The following SDK2 variants were observed in gnomAD, a reference collection of about 807,000 sequenced individuals.
The protein encoded by SDK2 is protein sidekick-2.
A neutral mutation model predicts 253.9 loss-of-function variants in SDK2; 105 were observed. The observed-to-expected ratio is 0.41, with a 90% CI of 0.35 to 0.49. SDK2 has a LOEUF of 0.49. SDK2 is among the 20% of genes least tolerant of loss of function. The probability of loss-of-function intolerance (pLI) is 0.06; values close to 1 mark genes in which losing one functional copy is unlikely to be tolerated. For missense variants in SDK2, 2,608 were observed against 3,003.0 expected (o/e 0.87, Z 3.07); for synonymous variants, 1,249 against 1,234.9 (o/e 1.01, Z -0.24).
chr17:73,531,713 A>G (rs542013189), intron 1 of SDK2, among the ~76,000 whole-genome samples: 1 of 152,344 alleles, frequency 6.6e-6, no homozygotes, highest in South Asian at 2.1e-4. Context: ...CATTGCATAC[A>G]GGATAAAATA....
Position 73,643,146 on chromosome 17 carries a change from G to A in SDK2, c.64+879C>T, listed in dbSNP as rs1783977103. 2 of 152,444 alleles carry A rather than the reference G, an allele frequency of 1.3e-5. No homozygotes were observed. The highest frequency in any genetic ancestry group is 2.1e-4 in the South Asian group (1 of 4,834). The allele number at this position is 152,444 out of a possible 1,614,324, so 9.4% of individuals were successfully genotyped here. On this transcript the variant is annotated intron_variant, in intron 1 of 44. Transcript: ENST00000392650. This position sits in a 1 kb window ranked among gnomAD's most constrained non-coding sequence, Gnocchi z 6.9. ...CCTCGGGGACCTGCCCGGGGACCAG[G>A]GGGACGTCTGGGCATCCACCCTCAG...
At chr17:73,527,223 T>C (rs563007465) in intron 1 of SDK2, among the ~76,000 whole-genome samples, 1 of 152,270 alleles carries the variant, frequency 6.6e-6, no homozygotes, top group East Asian at 1.9e-4. Flanking sequence ...ACTGTCACTC[T>C]GCACAGGGGG....
rs1441837669 is a variant in SDK2 at position 73,612,212 on chromosome 17, G to A, written c.64+31813C>T. 6.6e-6 allele frequency among the ~76,000 whole-genome samples: 1 copy of A among 152,204 alleles called. No homozygotes were observed. The highest frequency in any genetic ancestry group is 1.5e-5 in the Non-Finnish European group (1 of 68,028). On this transcript the variant is annotated intron_variant, in intron 1 of 44. Coordinates refer to ENST00000392650, the MANE Select transcript of SDK2 (RefSeq NM_001144952.2). This position sits in a 1 kb window ranked among gnomAD's most constrained non-coding sequence, Gnocchi z 4.4. ...GCAAGTACACCACAGTGGTGGCCCAGCTGCACCCGGGCTGCAGGCCGGCCC... is the reference window on the plus strand; with the variant it reads ...GCAAGTACACCACAGTGGTGGCCCAACTGCACCCGGGCTGCAGGCCGGCCC...
intron 1 of SDK2, among the ~76,000 whole-genome samples, chr17:73,640,293 A>C (rs2046382859): frequency 6.8e-6 from 1 of 147,222 alleles, no homozygotes; most frequent in Non-Finnish European, 1.5e-5. Flanking sequence ...GGGATTTCCG[A>C]GGCAGGTGTC....
chr17:73,449,451 C>G (rs897999328), intron 4 of SDK2, among the ~76,000 whole-genome samples: 7 of 152,074 alleles, frequency 4.6e-5, no homozygotes, highest in Non-Finnish European at 8.8e-5. Context: ...CCAGCACTCT[C>G]CCAGCCCGGC....
At chr17:73,368,646 C>G (rs796101816) in intron 36 of SDK2, 53 bp from the exon 37 acceptor site, 2 of 1,409,828 alleles carry the variant, frequency 1.4e-6, no homozygotes, top group Non-Finnish European at 1.9e-6. Context: ...ATGAGAGTCC[C>G]TCCTGTCCCT....
rs1022251095 is a variant in SDK2, at chr17:73,595,278, C to T, written c.64+48747G>A. On this transcript the variant is annotated intron_variant, in intron 1 of 44. Transcript: ENST00000392650. Reference sequence around the variant, plus strand: ...AGGCAGGCCTGGGGGAGAGCGTGGCCCTGTGTCGGAGAGACAGAGAAATAG... The same window carrying T: ...AGGCAGGCCTGGGGGAGAGCGTGGCTCTGTGTCGGAGAGACAGAGAAATAG... 5.3e-5 allele frequency among the ~76,000 whole-genome samples: 8 copies of T among 152,068 alleles called. No individual in the cohort carries two copies. The East Asian group carries it at 1.4e-3, about 26-fold the overall frequency.
chr17:73,341,698 G>A (rs902736363), intron 44 of SDK2, among the ~76,000 whole-genome samples: 2 of 152,198 alleles, frequency 1.3e-5, no homozygotes, highest in African/African-American at 4.8e-5. Context: ...TGGGCTTTGG[G>A]AAATGAGATG....
At chr17:73,375,461 G>C (rs2062770202) in intron 36 of SDK2, among the ~76,000 whole-genome samples, 1 of 151,914 alleles carries the variant, frequency 6.6e-6, no homozygotes, top group Admixed American at 6.6e-5. Flanking sequence ...TGCCCAGGCT[G>C]GTCTTGGACT....
intron 2 of SDK2, among the ~76,000 whole-genome samples, chr17:73,503,965 G>A (rs1700836239): frequency 6.6e-6 from 1 of 152,168 alleles, no homozygotes; most frequent in African/African-American, 2.4e-5. Flanking sequence ...ACCCAGAGGT[G>A]GGCACAGCTG....
At position 73,629,026 on chromosome 17, in the gene SDK2, G is replaced by A. The variant is rs2046237319; in HGVS notation, c.64+14999C>T. ...TTCCTACGTGGGGGATGGTGCCAAG[G>A]AGGGTCCAGAGAACTCAGTCCTGCC... On this transcript the variant is annotated intron_variant, in intron 1 of 44. Transcript: ENST00000392650. This position sits in a 1 kb window ranked among gnomAD's most constrained non-coding sequence, Gnocchi z 5.0. 6.6e-6 allele frequency among the ~76,000 whole-genome samples: 1 copy of A among 152,194 alleles called. No individual in the cohort carries two copies. Among genetic ancestry groups the A allele is most frequent in the Non-Finnish European group, 1.5e-5 (1 of 68,034 alleles).
chr17:73,351,131 C>T lies in SDK2; in HGVS notation c.5759-341G>A, dbSNP rs568838940. Among the ~76,000 whole-genome samples the T allele has an allele frequency of 5.4e-3, 796 of 146,116 alleles. 13 individuals are homozygous for T. Among genetic ancestry groups the T allele is most frequent in the African/African-American group, 0.019 (749 of 39,296 alleles). ...TTTCCCCTTTTTTTTTTTTTTGAGA[C>T]GGAGTTTCACTCTTATTTCCCAGGC... On this transcript the variant is annotated intron_variant, in intron 41 of 44. Transcript: ENST00000392650.
At chr17:73,452,108 A>T (rs2063494526) in intron 4 of SDK2, among the ~76,000 whole-genome samples, 1 of 152,116 alleles carries the variant, frequency 6.6e-6, no homozygotes, top group Non-Finnish European at 1.5e-5. Context: ...TTATGCATGA[A>T]ATAAATTATC....
At chr17:73,550,655 A>G (rs1411976351) in intron 1 of SDK2, among the ~76,000 whole-genome samples, 1 of 152,204 alleles carries the variant, frequency 6.6e-6, no homozygotes, top group Admixed American at 6.5e-5. Context: ...GCTGGCATGG[A>G]GTCAGAGTCC....
At chr17:73,553,051 G>A (rs542457862) in intron 1 of SDK2, among the ~76,000 whole-genome samples, 8 of 152,336 alleles carry the variant, frequency 5.3e-5, no homozygotes, top group African/African-American at 1.9e-4. Flanking sequence ...GCAGCGTCAC[G>A]CTGCTTCTCT....
chr17:73,610,505 G>C (rs2045960155), intron 1 of SDK2, among the ~76,000 whole-genome samples: 1 of 152,160 alleles, frequency 6.6e-6, no homozygotes, highest in East Asian at 1.9e-4. Flanking sequence ...TTGGTATCTG[G>C]GTCACTCACT....
At chr17:73,500,958 C>G (rs556372912) in intron 2 of SDK2, among the ~76,000 whole-genome samples, 30 of 152,308 alleles carry the variant, frequency 2.0e-4, no homozygotes, top group African/African-American at 6.0e-4. Flanking sequence ...ATTTCTCCAG[C>G]CAGGGGGGTT....
At chr17:73,507,304 C>G in intron 2 of SDK2, 134 bp downstream of exon 2, 4 of 953,700 alleles carry the variant, frequency 4.2e-6, no homozygotes, top group Non-Finnish European at 6.1e-6. Context: ...GCCTTTGCCA[C>G]TCACTTCCAG....
intron 44 of SDK2, among the ~76,000 whole-genome samples, chr17:73,345,824 C>T (rs920429730): frequency 6.6e-6 from 1 of 152,180 alleles, no homozygotes; most frequent in Non-Finnish European, 1.5e-5. Context: ...GTGTCATTCA[C>T]GAACAATCCT....
Sources: gnomAD v4.1 joint callset for allele counts (sites outside exome capture counted in the v4.1 genomes callset) on GRCh38, gnomAD v4.1.1 for gene constraint, Gnocchi (gnomAD v3.1) non-coding constraint, MANE v1.5 for transcripts, NCBI Gene and HGNC (gene_info 2026-07-23, HGNC 2026-07-21) for gene names.